The following TTLL2 variants were observed in gnomAD, a reference collection of about 807,000 sequenced individuals.
TTLL2 encodes the protein probable tubulin polyglutamylase TTLL2.
TTLL2 carries 10 observed loss-of-function variants against 7.5 expected under a neutral mutation model. The observed-to-expected ratio is 1.33, with a 90% CI of 0.82 to 2.25. The LOEUF (loss-of-function observed/expected upper bound fraction) is 2.25. Ranked by LOEUF, TTLL2 falls within the 30% of genes most tolerant of loss-of-function variation. TTLL2 has a pLI of 0.00. For missense variants in TTLL2, 733 were observed against 735.7 expected, an observed-to-expected ratio of 1.00 and a Z score of 0.04; for synonymous variants, 284 against 280.3, an observed-to-expected ratio of 1.01 and a Z score of -0.13.
intron 1 of TTLL2, chr6:167,328,480 C>T (rs1437706255): frequency 3.6e-5 from 8 of 220,236 alleles, no homozygotes; most frequent in Non-Finnish European, 7.5e-5. Flanking sequence ...CTGTCTATGC[C>T]CTGATGACAT....
intron 1 of TTLL2, chr6:167,328,402 T>C: frequency 3.5e-6 from 1 of 289,144 alleles, no homozygotes; most frequent in Non-Finnish European, 6.9e-6. Context: ...AAAAGGGGGC[T>C]CTTCCCCCTT....
At position 167,341,504 on chromosome 6, in the gene TTLL2, C is replaced by A; in HGVS notation, c.1604C>A (p.Thr535Asn). Residue 535 changes from threonine (T) to asparagine (N), a missense_variant, in exon 3 of 3, where the codon ACC (threonine) becomes AAC (asparagine). Coordinates refer to ENST00000239587, the MANE Select transcript of TTLL2 (RefSeq NM_031949.5). Reference sequence around the variant, plus strand: ...CTCTTCCAGTCGCACTCCTGCAAGACCAAGACCTCCCCGTGTGTCCTGTCA... The same window carrying A: ...CTCTTCCAGTCGCACTCCTGCAAGAACAAGACCTCCCCGTGTGTCCTGTCA... Reference protein sequence around the residue: ...ASLFQSHSCKTKTSPCVLSDR... With the variant: ...ASLFQSHSCKNKTSPCVLSDR... 1 of 1,614,176 alleles carries A rather than the reference C, an allele frequency of 6.2e-7. No homozygotes were observed. The highest frequency in any genetic ancestry group is 8.5e-7 in the Non-Finnish European group (1 of 1,180,052).
chr6:167,338,844 C>CTTCCTTCCTTCCTTCCTTCCTTCCTTCA, intron 2 of TTLL2, 41 bp downstream of exon 2: 1 of 1,432,736 alleles, frequency 7.0e-7, no homozygotes, highest in South Asian at 1.4e-5. Flanking sequence ...TCCTTCCTTC[C>CTTCCTTCCTTCCTTCCTTCCTTCCTTCA]TTCCTTCCTT....
At chr6:167,330,875 C>T (rs991154747) in intron 1 of TTLL2, among the ~76,000 whole-genome samples, 2 of 152,156 alleles carry the variant, frequency 1.3e-5, no homozygotes, top group African/African-American at 2.4e-5. Context: ...AGGAGGGCAG[C>T]GTGGGCATTC....
intron 1 of TTLL2, among the ~76,000 whole-genome samples, chr6:167,331,092 T>C (rs1778915252): frequency 6.6e-6 from 1 of 152,232 alleles, no homozygotes; most frequent in Non-Finnish European, 1.5e-5. Flanking sequence ...CAAATGAGTG[T>C]CATTTTCTCT....
chr6:167,338,909 CTT>C, intron 2 of TTLL2, 106 bp downstream of exon 2: 1 of 1,140,778 alleles, frequency 8.8e-7, no homozygotes, highest in South Asian at 1.8e-5. Context: ...CTTCCTTCTT[CTT>C]TTTCTTTCCT....
chr6:167,328,499 G>T, intron 1 of TTLL2: 1 of 202,600 alleles, frequency 4.9e-6, no homozygotes, highest in African/African-American at 2.3e-5. Flanking sequence ...ATTGACTGGT[G>T]TTCTAGCCCT....
rs748216967 is a variant in TTLL2 at position 167,341,101 on chromosome 6, G to T, written c.1201G>T (p.Val401Leu). 1.3e-4 allele frequency: 204 copies of T among 1,613,994 alleles called. No individual in the cohort carries two copies. The Middle Eastern group carries it at 1.8e-3, about 14-fold the overall frequency. Residue 401 changes from valine (V) to leucine (L), a missense_variant, in exon 3 of 3, where the codon GTG (valine) becomes TTG (leucine). Val to Leu is a conservative substitution (Grantham distance 32). Transcript: ENST00000239587. Reference sequence around the variant, plus strand: ...CTTGACCTTGGATTGTTCAACAGATGTGTTGGTGAAGAGAAAACTTGTCCA... The same window carrying T: ...CTTGACCTTGGATTGTTCAACAGATTTGTTGGTGAAGAGAAAACTTGTCCA... ...PALTLDCSTDVLVKRKLVHDI... is the reference protein window; with the variant it reads ...PALTLDCSTDLLVKRKLVHDI...
Position 167,342,386 on chromosome 6 carries a change from C to T in TTLL2, c.*707C>T, listed in dbSNP as rs1779109216. Among the ~76,000 whole-genome samples, 1 of 152,188 alleles carries T rather than the reference C, an allele frequency of 6.6e-6. No individual in the cohort carries two copies. The highest frequency in any genetic ancestry group is 1.5e-5 in the Non-Finnish European group (1 of 68,024). On this transcript the variant is annotated 3_prime_UTR_variant, in exon 3 of 3. Transcript: ENST00000239587. ...TCTGCAGTCCTAAGACATAAAAATT[C>T]CAGTAGGTTACTTGAAAACATTATT... is the stretch of plus-strand genomic sequence containing the variant.
Position 167,338,635 on chromosome 6 carries a change from C to G in TTLL2, c.48-12C>G. The G allele has an allele frequency of 6.2e-7, 1 of 1,608,290 alleles. No individual in the cohort carries two copies. The highest frequency in any genetic ancestry group is 8.5e-7 in the Non-Finnish European group (1 of 1,176,218). ...TGCTGTGTGTTCATTGTTGATGCTG[C>G]TTTGTTCACAGATCTTTGAGAACCA... is the stretch of plus-strand genomic sequence containing the variant. On this transcript the variant is annotated splice_polypyrimidine_tract_variant and intron_variant, in intron 1 of 2. Coordinates refer to ENST00000239587, the MANE Select transcript of TTLL2 (RefSeq NM_031949.5).
Position 167,341,586 on chromosome 6 carries a change from C to G in TTLL2, c.1686C>G (p.Phe562Leu). ...QAGNFVLVFPFNEATLGASRN... is the reference protein window; with the variant it reads ...QAGNFVLVFPLNEATLGASRN... ...GCAACTTTGTTCTTGTTTTTCCTTT[C>G]AATGAAGCAACTCTCGGAGCTTCCA... Residue 562 changes from phenylalanine to leucine, a missense_variant, in exon 3 of 3, where the codon TTC becomes TTG. Transcript: ENST00000239587. The G allele has an allele frequency of 5.6e-6, 9 of 1,614,180 alleles. No homozygotes were observed. Among genetic ancestry groups the G allele is most frequent in the Non-Finnish European group, 7.6e-6 (9 of 1,180,046 alleles).
At position 167,341,465 on chromosome 6, in the gene TTLL2, T is replaced by C; in HGVS notation, c.1565T>C (p.Met522Thr). Residue 522 changes from methionine to threonine, a missense_variant, in exon 3 of 3, where the codon ATG (methionine) becomes ACG (threonine). Met to Thr is a moderately conservative substitution (Grantham distance 81). Coordinates refer to ENST00000239587, the MANE Select transcript of TTLL2 (RefSeq NM_031949.5). ...RSRHTPHKTL[M>T]PYASLFQSHS... ...AGGCACACGCCTCACAAGACACTCATGCCCTACGCGTCCCTCTTCCAGTCG... is the reference window on the plus strand; with the variant it reads ...AGGCACACGCCTCACAAGACACTCACGCCCTACGCGTCCCTCTTCCAGTCG... The C allele has an allele frequency of 1.2e-6, 2 of 1,614,052 alleles. No individual in the cohort carries two copies. The highest frequency in any genetic ancestry group is 1.7e-6 in the Non-Finnish European group (2 of 1,180,008).
chr6:167,332,187 T>C (rs1331139019), intron 1 of TTLL2, among the ~76,000 whole-genome samples: 1 of 152,138 alleles, frequency 6.6e-6, no homozygotes, highest in East Asian at 1.9e-4. Context: ...AAAAGGAAAG[T>C]GAGGCACGGA....
Position 167,325,196 on chromosome 6 carries a change from C to A in TTLL2, c.23C>A (p.Ser8Tyr). The change falls in exon 1 of 3, where the codon TCC (serine) becomes TAC (tyrosine). Residue 8 changes from serine (S) to tyrosine (Y), a missense_variant. Ser to Tyr is a moderately radical substitution (Grantham distance 144, BLOSUM62 -2). Coordinates refer to ENST00000239587, the MANE Select transcript of TTLL2 (RefSeq NM_031949.5). ...CCAATGAGAGGGCGGGACCTGTGTT[C>A]CTCCACACAAAGCCAGGCGCTGGGG... MRGRDLC[S>Y]STQSQALGSL... is the part of the protein sequence containing the mutation. 6.3e-7 allele frequency: 1 copy of A among 1,578,236 alleles called. No homozygotes were observed. Among genetic ancestry groups the A allele is most frequent in the Non-Finnish European group, 8.6e-7 (1 of 1,162,722 alleles).
chr6:167,328,420 C>CTACACTTA (rs1004265806), intron 1 of TTLL2: 2 of 280,006 alleles, frequency 7.1e-6, no homozygotes, highest in African/African-American at 4.3e-5. Context: ...CTTCCTACAC[C>CTACACTTA]AGGAGGCTGT....
intron 1 of TTLL2, among the ~76,000 whole-genome samples, chr6:167,337,817 C>T (rs1055659061): frequency 4.6e-5 from 7 of 151,356 alleles, no homozygotes; most frequent in Admixed American, 1.3e-4. Context: ...ATAACACACA[C>T]AACATACACA....
chr6:167,336,168 G>A (rs1278601558), intron 1 of TTLL2, among the ~76,000 whole-genome samples: 1 of 151,842 alleles, frequency 6.6e-6, no homozygotes. Flanking sequence ...TGTCCAGTGT[G>A]GGGGCAGCTG....
At chr6:167,338,422 AAAC>A (rs771511275) in intron 1 of TTLL2, among the ~76,000 whole-genome samples, 3 of 146,046 alleles carry the variant, frequency 2.1e-5, no homozygotes, top group African/African-American at 2.8e-5. Flanking sequence ...GACAACACAG[AAAC>A]AACAAACACA....
At chr6:167,328,762 C>T (rs1030499243) in intron 1 of TTLL2, among the ~76,000 whole-genome samples, 1 of 152,140 alleles carries the variant, frequency 6.6e-6, no homozygotes, top group Admixed American at 6.5e-5. Flanking sequence ...TTCTTGTAGG[C>T]TGTGATGTGG....
Sources: gnomAD v4.1 joint callset for allele counts (sites outside exome capture counted in the v4.1 genomes callset) on GRCh38, gnomAD v4.1.1 for gene constraint, MANE v1.5 for transcripts, NCBI Gene and HGNC (gene_info 2026-07-23, HGNC 2026-07-21) for gene names.